Variants in CFAP46 observed in about 807,000 individuals in gnomAD.
CFAP46 encodes the protein cilia- and flagella-associated protein 46.
A neutral mutation model predicts 325.7 loss-of-function variants in CFAP46; 245 were observed. That is an observed-to-expected ratio of 0.75 (90% CI 0.68 to 0.84). The LOEUF (loss-of-function observed/expected upper bound fraction) is 0.84, where lower values mean the gene tolerates loss of function less well. CFAP46 is among the 40% of genes least tolerant of loss of function. The pLI is 0.00. For missense variants in CFAP46, 3,346 were observed against 3,543.0 expected (o/e 0.94, Z 1.41); for synonymous variants, 1,523 against 1,495.9 (o/e 1.02, Z -0.42).
At chr10:132,916,731 C>G in intron 16 of CFAP46, 49 bp from the exon 17 acceptor site, 1 of 1,408,658 alleles carries the variant, frequency 7.1e-7, no homozygotes, top group Non-Finnish European at 9.3e-7. Flanking sequence ...AGCACGGGCC[C>G]AGCACCAGAT....
Position 132,936,958 on chromosome 10 carries a change from T to TA in CFAP46, c.755+2dup, listed in dbSNP as rs758855275. The TA allele has an allele frequency of 1.1e-5, 17 of 1,517,950 alleles. No individual in the cohort carries two copies. The South Asian group carries it at 2.3e-4, about 21-fold the overall frequency. The allele number at this position is 1,517,950 out of a possible 1,614,324, so 94.0% of individuals were successfully genotyped here. A position where few individuals can be genotyped will look rare whatever the true frequency, so the allele number is the denominator to read the frequency against. On this transcript the variant is annotated splice_region_variant and intron_variant, in intron 7 of 57. Transcript: ENST00000368586. ...ATTTGCTCTCCCTCCCAAAACGACT[T>TA]ACGCCTTTAGCATATTAATATAGAA...
At chr10:132,926,717 C>T in intron 9 of CFAP46, 51 bp from the exon 10 acceptor site, 1 of 1,297,628 alleles carries the variant, frequency 7.7e-7, no homozygotes, top group Non-Finnish European at 1.1e-6. Context: ...AGGGAAGCAG[C>T]TGTGTACATT....
chr10:132,861,650 G>A (rs1443092737), intron 35 of CFAP46, among the ~76,000 whole-genome samples: 3 of 152,260 alleles, frequency 2.0e-5, no homozygotes, highest in African/African-American at 7.2e-5. Context: ...GCTAAGAACA[G>A]AGAGGTGCTG....
At chr10:132,905,497 T>C (rs1849444491) in intron 22 of CFAP46, among the ~76,000 whole-genome samples, 1 of 150,558 alleles carries the variant, frequency 6.6e-6, no homozygotes, top group Non-Finnish European at 1.5e-5. Context: ...CTGGATCATA[T>C]CCTCAAGAAA....
intron 39 of CFAP46, among the ~76,000 whole-genome samples, chr10:132,852,013 A>G (rs1591053640): frequency 1.3e-5 from 2 of 152,000 alleles, no homozygotes; most frequent in African/African-American, 2.4e-5. Context: ...ATGTTCCTCC[A>G]TTTACTTAGA....
Position 132,919,203 on chromosome 10 carries a change from G to T in CFAP46, c.1858+112C>A. ...TGCTACCATTGTGACTTAGCAATAC[G>T]CTTTCTCATGCGAAGGCCCCATGGG... On this transcript the variant is annotated intron_variant, in intron 15 of 57. Coordinates refer to ENST00000368586, the MANE Select transcript of CFAP46 (RefSeq NM_001200049.3). This position sits in a 1 kb window ranked among gnomAD's most constrained non-coding sequence, Gnocchi z 9.7. The T allele has an allele frequency of 2.6e-6, 3 of 1,138,278 alleles. No homozygotes were observed. The highest frequency in any genetic ancestry group is 3.6e-6 in the Non-Finnish European group (3 of 835,394). 70.5% of individuals were successfully genotyped at this position (1,138,278 alleles called of 1,614,324 possible). A position where few individuals can be genotyped will look rare whatever the true frequency, so the allele number is the denominator to read the frequency against.
intron 33 of CFAP46, among the ~76,000 whole-genome samples, chr10:132,867,950 C>T (rs1848841481): frequency 6.6e-6 from 1 of 152,210 alleles, no homozygotes; most frequent in African/African-American, 2.4e-5. Context: ...CCGGCCACGG[C>T]CCCCGGCTGT....
intron 4 of CFAP46, 113 bp from the exon 5 acceptor site, chr10:132,938,866 C>T (rs1850055953): frequency 2.1e-6 from 2 of 959,380 alleles, no homozygotes; most frequent in Non-Finnish European, 3.1e-6. Flanking sequence ...GCCTCAGGTC[C>T]TCTCCAGCAG....
At chr10:132,813,009 GCAT>G in intron 54 of CFAP46, 112 bp from the exon 55 acceptor site, 1 of 734,372 alleles carries the variant, frequency 1.4e-6, no homozygotes, top group East Asian at 2.6e-5. Flanking sequence ...TCCCATTTGT[GCAT>G]TAAACTGAAC....
intron 7 of CFAP46, among the ~76,000 whole-genome samples, chr10:132,936,286 A>G (rs867028445): frequency 2.9e-5 from 2 of 68,078 alleles, no homozygotes; most frequent in Non-Finnish European, 5.7e-5. Flanking sequence ...TGATCTCCTC[A>G]CTCCCCTCGG....
intron 39 of CFAP46, among the ~76,000 whole-genome samples, chr10:132,857,246 C>G (rs1485421004): frequency 6.6e-6 from 1 of 152,208 alleles, no homozygotes; most frequent in Non-Finnish European, 1.5e-5. Flanking sequence ...TCCTGCCCTC[C>G]CCTCCCTGGG....
chr10:132,869,077 C>T lies in CFAP46; in HGVS notation c.4610+197G>A, dbSNP rs962039400. Among the ~76,000 whole-genome samples, 1 of 152,244 alleles carries T rather than the reference C, an allele frequency of 6.6e-6. No individual in the cohort carries two copies. The highest frequency in any genetic ancestry group is 2.1e-4 in the South Asian group (1 of 4,826). On this transcript the variant is annotated intron_variant, in intron 33 of 57. Coordinates refer to ENST00000368586, the MANE Select transcript of CFAP46 (RefSeq NM_001200049.3). The surrounding 1 kb of genome is among the most constrained non-coding windows in gnomAD (Gnocchi z 6.2). The stretch of plus-strand genomic sequence containing the variant: ...AGCCCCCCTCACCGCCCCTCCCTCC[C>T]TCTGTGAGGAGCACCTCCCCACAAC...
Position 132,877,871 on chromosome 10 carries a change from T to A in CFAP46, c.4212+10A>T. ...GCCCGGCCTCTGCACCGTGGCCACT[T>A]GGGCATCACCTGCTTGGGCTCCTTG... On this transcript the variant is annotated intron_variant, in intron 30 of 57. Coordinates refer to ENST00000368586, the MANE Select transcript of CFAP46 (RefSeq NM_001200049.3). The surrounding 1 kb of genome is among the most constrained non-coding windows in gnomAD (Gnocchi z 5.7). 6.5e-7 allele frequency: 1 copy of A among 1,548,904 alleles called. No individual in the cohort carries two copies. The highest frequency in any genetic ancestry group is 8.7e-7 in the Non-Finnish European group (1 of 1,146,916).
Position 132,893,213 on chromosome 10 carries a change from C to A in CFAP46, c.3220-796G>T, listed in dbSNP as rs116952076. Among the ~76,000 whole-genome samples the A allele has an allele frequency of 2.2e-4, 34 of 152,322 alleles. No homozygotes were observed. The East Asian group carries it at 5.4e-3, about 24-fold the overall frequency. ...AACTCCAGTAAACACACTGGGCATGCGGCCCCTCCCAAGTGCAGGCAGCCA... is the reference window on the plus strand; with the variant it reads ...AACTCCAGTAAACACACTGGGCATGAGGCCCCTCCCAAGTGCAGGCAGCCA... On this transcript the variant is annotated intron_variant, in intron 24 of 57. Coordinates refer to ENST00000368586, the MANE Select transcript of CFAP46 (RefSeq NM_001200049.3).
intron 25 of CFAP46, among the ~76,000 whole-genome samples, chr10:132,888,819 C>T (rs1456478865): frequency 9.2e-6 from 1 of 109,148 alleles, no homozygotes; most frequent in South Asian, 4.0e-4. Flanking sequence ...TCACCCCTGC[C>T]GCCTGCACCT....
chr10:132,836,206 G>A lies in CFAP46; in HGVS notation c.6549C>T (p.Tyr2183=), dbSNP rs752916493. 2.4e-5 allele frequency: 38 copies of A among 1,610,978 alleles called. No homozygotes were observed. Among genetic ancestry groups the A allele is most frequent in the South Asian group, 1.5e-4 (14 of 90,948 alleles). ...ACTTGGGTTTCTCGTAGGCAGCGCC[G>A]TACAGACGGGACCTGCTGGCAGGAC... ...LHLSGDRSRL[Y]GAAYEKPKFI... Residue 2183 remains tyrosine (Y), a synonymous_variant, in exon 46 of 58, where the codon TAC becomes TAT. Coordinates refer to ENST00000368586, the MANE Select transcript of CFAP46 (RefSeq NM_001200049.3).
In CFAP46 at chr10:132,829,083, CAAAA is replaced by C. The variant is rs58493058; in HGVS notation, c.7117+4271_7117+4274del. Among the ~76,000 whole-genome samples, 62 of 118,512 alleles carry C rather than the reference CAAAA, an allele frequency of 5.2e-4. 1 individual carries two copies. Among genetic ancestry groups the C allele is most frequent in the South Asian group, 8.0e-4 (3 of 3,752 alleles). The allele number at this position is 118,512 out of a possible 152,430, so 77.7% of individuals were successfully genotyped here. On this transcript the variant is annotated intron_variant, in intron 50 of 57. Transcript: ENST00000368586. Reference sequence around the variant, plus strand: ...TTTAGAATAAGCTTGTTAACTTCTACAAAAAAAAAAAAAAAAACATCCTGTGGAG... The same window carrying C: ...TTTAGAATAAGCTTGTTAACTTCTACAAAAAAAAAAAAACATCCTGTGGAG...
intron 44 of CFAP46, among the ~76,000 whole-genome samples, chr10:132,843,426 G>A (rs1392164825): frequency 1.0e-4 from 15 of 145,510 alleles, no homozygotes; most frequent in African/African-American, 3.9e-4. Flanking sequence ...CCAGGGTGCT[G>A]TAAGGCTCTG....
At position 132,862,938 on chromosome 10, in the gene CFAP46, C is replaced by T. The variant is rs182831470; in HGVS notation, c.4891-1956G>A. On this transcript the variant is annotated intron_variant, in intron 35 of 57. Transcript: ENST00000368586. ...GGTGAGCTGAGGGCAAAGTTGAGGA[C>T]GGGAGGTAGGAGGCCTTCAGGCAAG... 2.3e-4 allele frequency among the ~76,000 whole-genome samples: 35 copies of T among 152,068 alleles called. No homozygotes were observed. The East Asian group carries it at 5.6e-3, about 24-fold the overall frequency.
Sources: gnomAD v4.1 joint callset for allele counts (sites outside exome capture counted in the v4.1 genomes callset) on GRCh38, gnomAD v4.1.1 for gene constraint, Gnocchi (gnomAD v3.1) non-coding constraint, MANE v1.5 for transcripts, NCBI Gene and HGNC (gene_info 2026-07-23, HGNC 2026-07-21) for gene names.